CFAP77: variants seen among roughly 807,000 people sequenced by gnomAD.
The protein encoded by CFAP77 is cilia and flagella associated protein 77, also known as cilia- and flagella-associated protein 77.
A neutral mutation model predicts 31.1 loss-of-function variants in CFAP77; 25 were observed. The ratio of observed to expected loss-of-function variants is 0.80; its 90% CI spans 0.59 to 1.12. CFAP77 has a LOEUF of 1.12. Among genes scored for constraint, CFAP77 ranks in the 50% most tolerant of loss-of-function variants. The pLI is 0.00. For synonymous variants in CFAP77, 151 were observed against 159.9 expected (o/e 0.94, Z 0.42); for missense variants, 377 against 397.3 (o/e 0.95, Z 0.44).
At chr9:132,452,534 T>G (rs928899292) in intron 1 of CFAP77, among the ~76,000 whole-genome samples, 30 of 152,224 alleles carry the variant, frequency 2.0e-4, no homozygotes, top group African/African-American at 7.2e-4. Flanking sequence ...AAAATAGAAT[T>G]GGAGCATGAT....
rs1300444964 is a variant in CFAP77 at position 132,546,624 on chromosome 9, G to A, written c.732+3577G>A. 2.6e-5 allele frequency among the ~76,000 whole-genome samples: 4 copies of A among 152,212 alleles called. No individual in the cohort carries two copies. The East Asian group carries it at 7.7e-4, about 29-fold the overall frequency. ...CCGAGACCCCCGCGCTGGATGACCC[G>A]GGCCACTTACAGGGTCGAGAGAGGA... On this transcript the variant is annotated intron_variant, in intron 5 of 5. Coordinates refer to ENST00000393216, the MANE Select transcript of CFAP77 (RefSeq NM_001282957.2).
intron 1 of CFAP77, among the ~76,000 whole-genome samples, chr9:132,423,152 C>T (rs1850252137): frequency 6.6e-6 from 1 of 152,126 alleles, no homozygotes; most frequent in Non-Finnish European, 1.5e-5. Context: ...GGCATAAATT[C>T]GGAGGTTTAA....
At chr9:132,413,066 A>C (rs1248828301) in intron 1 of CFAP77, among the ~76,000 whole-genome samples, 1 of 152,166 alleles carries the variant, frequency 6.6e-6, no homozygotes, top group South Asian at 2.1e-4. Flanking sequence ...GCATTGGAAG[A>C]CTATAGCACC....
At chr9:132,556,612 G>C (rs911766879) in intron 5 of CFAP77, among the ~76,000 whole-genome samples, 1 of 152,170 alleles carries the variant, frequency 6.6e-6, no homozygotes, top group African/African-American at 2.4e-5. Flanking sequence ...AGAGGGAGAG[G>C]GGGGTGGCAG....
chr9:132,476,699 G>T (rs900246708), intron 1 of CFAP77, among the ~76,000 whole-genome samples: 2 of 152,100 alleles, frequency 1.3e-5, no homozygotes, highest in African/African-American at 2.4e-5. Flanking sequence ...GAGACACACA[G>T]GGGAGAAGGC....
intron 1 of CFAP77, among the ~76,000 whole-genome samples, chr9:132,489,964 G>A (rs1408351540): frequency 6.6e-6 from 1 of 152,160 alleles, no homozygotes; most frequent in African/African-American, 2.4e-5. Flanking sequence ...AATATAGAAA[G>A]AATAGAAATT....
At position 132,458,342 on chromosome 9, in the gene CFAP77, C is replaced by CGTGG. The variant is rs145223432; in HGVS notation, c.196-40352_196-40351insTGGG. ...GGCCTCTCCACCTTTGTCTCCCTGG[C>CGTGG]GGGGGAGGGGGGGGGGTGTGTATGG... On this transcript the variant is annotated intron_variant, in intron 1 of 5. Transcript: ENST00000393216. Among the ~76,000 whole-genome samples the CGTGG allele has an allele frequency of 4.2e-4, 30 of 71,186 alleles. 1 individual carries two copies. The highest frequency in any genetic ancestry group is 3.2e-4 in the Admixed American group (2 of 6,182). 46.7% of individuals were successfully genotyped at this position (71,186 alleles called of 152,430 possible). A position where few individuals can be genotyped will look rare whatever the true frequency, so the allele number is the denominator to read the frequency against.
At chr9:132,440,102 G>A (rs1348339243) in intron 1 of CFAP77, among the ~76,000 whole-genome samples, 1 of 152,016 alleles carries the variant, frequency 6.6e-6, no homozygotes, top group African/African-American at 2.4e-5. Context: ...AGGCCGAGGC[G>A]AGGGGATCAC....
chr9:132,457,580 C>T (rs940733756), intron 1 of CFAP77, among the ~76,000 whole-genome samples: 10 of 152,210 alleles, frequency 6.6e-5, no homozygotes, highest in South Asian at 6.2e-4. Flanking sequence ...AATACATCGC[C>T]GCTAACAGCC....
At chr9:132,441,013 C>G (rs1850606518) in intron 1 of CFAP77, among the ~76,000 whole-genome samples, 1 of 152,156 alleles carries the variant, frequency 6.6e-6, no homozygotes, top group Non-Finnish European at 1.5e-5. Context: ...CTTGCAAAGA[C>G]CACTGTTTTC....
At chr9:132,466,243 T>C (rs1379481347) in intron 1 of CFAP77, among the ~76,000 whole-genome samples, 1 of 152,164 alleles carries the variant, frequency 6.6e-6, no homozygotes. Flanking sequence ...GACATGAGCA[T>C]TTTTTTAAAT....
At chr9:132,410,569 C>T in intron 1 of CFAP77, 103 bp downstream of exon 1, 1 of 1,033,260 alleles carries the variant, frequency 9.7e-7, no homozygotes, top group South Asian at 1.8e-5. Context: ...GCCCGGGGTC[C>T]GAGCGCAGCG....
chr9:132,539,091 AAAAAATAAATAAAT>A lies in CFAP77; in HGVS notation c.630+1404_630+1417del, dbSNP rs1214894293. On this transcript the variant is annotated intron_variant, in intron 4 of 5. Coordinates refer to ENST00000393216, the MANE Select transcript of CFAP77 (RefSeq NM_001282957.2). The surrounding 1 kb of genome is among the most constrained non-coding windows in gnomAD (Gnocchi z 4.3). ...AACAGAGCAAGACTCCGTCTCGATA[AAAAAATAAATAAAT>A]AAAAATAAATAAATAAAATAGTACT... Among the ~76,000 whole-genome samples, 4 of 152,198 alleles carry A rather than the reference AAAAAATAAATAAAT, an allele frequency of 2.6e-5. No homozygotes were observed. The highest frequency in any genetic ancestry group is 6.5e-5 in the Admixed American group (1 of 15,282).
chr9:132,414,604 G>C (rs1239848156), intron 1 of CFAP77, among the ~76,000 whole-genome samples: 1 of 152,086 alleles, frequency 6.6e-6, no homozygotes, highest in African/African-American at 2.4e-5. Context: ...TTTCAAGTGA[G>C]CTGCATTGCC....
chr9:132,519,575 G>A (rs1417952895), intron 3 of CFAP77, among the ~76,000 whole-genome samples: 23 of 50,328 alleles, frequency 4.6e-4, no homozygotes, highest in Non-Finnish European at 4.8e-4. Context: ...TGGATGGATA[G>A]ATGGATGGAT....
intron 1 of CFAP77, among the ~76,000 whole-genome samples, chr9:132,472,620 C>T (rs532417220): frequency 1.3e-5 from 2 of 152,212 alleles, no homozygotes; most frequent in South Asian, 2.1e-4. Context: ...ATTAGCTGGG[C>T]GTGGTGCAGC....
At chr9:132,457,437 T>C (rs1178191207) in intron 1 of CFAP77, among the ~76,000 whole-genome samples, 1 of 152,252 alleles carries the variant, frequency 6.6e-6, no homozygotes, top group Non-Finnish European at 1.5e-5. Flanking sequence ...GCTTCCTGCT[T>C]CAATATCTTC....
chr9:132,413,512 C>T (rs895528214), intron 1 of CFAP77, among the ~76,000 whole-genome samples: 6 of 152,172 alleles, frequency 3.9e-5, no homozygotes, highest in Non-Finnish European at 5.9e-5. Context: ...ATGTGACTCT[C>T]TGGAAAGAAT....
intron 3 of CFAP77, among the ~76,000 whole-genome samples, chr9:132,529,551 G>A (rs1257016497): frequency 2.0e-5 from 3 of 149,052 alleles, no homozygotes; most frequent in African/African-American, 7.5e-5. Flanking sequence ...ACTTGGCCGG[G>A]CACGGTGGCT....
Sources: allele counts gnomAD v4.1 joint callset (sites outside exome capture counted in the v4.1 genomes callset), GRCh38; gene constraint gnomAD v4.1.1; non-coding constraint Gnocchi (gnomAD v3.1); transcripts MANE v1.5; gene names NCBI Gene and HGNC (gene_info 2026-07-23, HGNC 2026-07-21).